NTRK3: variants seen among roughly 807,000 people sequenced by gnomAD.
NTRK3 encodes the protein NT-3 growth factor receptor.
NTRK3 carries 24 observed loss-of-function variants against 91.7 expected under a neutral mutation model. The ratio of observed to expected loss-of-function variants is 0.26; its 90% CI spans 0.19 to 0.37. The LOEUF (loss-of-function observed/expected upper bound fraction) is 0.37. NTRK3 is among the 10% of genes least tolerant of loss of function. The probability of loss-of-function intolerance (pLI) is 1.00; values close to 1 mark genes in which losing one functional copy is unlikely to be tolerated. For missense variants in NTRK3, 880 were observed against 1,068.9 expected, an observed-to-expected ratio of 0.82 and a Z score of 2.46; for synonymous variants, 483 against 404.0, an observed-to-expected ratio of 1.20 and a Z score of -2.34.
In NTRK3 at chr15:88,241,495, C is replaced by T. The variant is rs934906015; in HGVS notation, c.248+14411G>A. On this transcript the variant is annotated intron_variant, in intron 3 of 18. Coordinates refer to ENST00000394480, the Ensembl canonical transcript of NTRK3. The surrounding 1 kb of genome is among the most constrained non-coding windows in gnomAD (Gnocchi z 4.3). ...ATCAGGGAGTCATGAGGTCACTCTC[C>T]TGCCACTTCTGCTTCCCCAGGGCCC... 2.6e-5 allele frequency among the ~76,000 whole-genome samples: 4 copies of T among 152,160 alleles called. No individual in the cohort carries two copies. The highest frequency in any genetic ancestry group is 7.2e-5 in the African/African-American group (3 of 41,442).
intron 14 of NTRK3, among the ~76,000 whole-genome samples, chr15:88,017,704 G>A (rs942329223): frequency 2.0e-5 from 3 of 151,916 alleles, no homozygotes; most frequent in Admixed American, 2.0e-4. Context: ...GGGTCACCCA[G>A]AGATGAACAT....
chr15:88,242,474 T>C (rs188009177), intron 3 of NTRK3, among the ~76,000 whole-genome samples: 200 of 152,342 alleles, frequency 1.3e-3, no homozygotes, highest in Middle Eastern at 0.01. Flanking sequence ...AAACTTTACA[T>C]TAGATCCGTT....
intron 14 of NTRK3, among the ~76,000 whole-genome samples, chr15:88,015,093 A>G (rs561570910): frequency 6.6e-6 from 1 of 152,140 alleles, no homozygotes; most frequent in South Asian, 2.1e-4. Context: ...TTCTTTCTGG[A>G]ACAGGGGTCT....
chr15:88,236,514 T>TAAAAAAA (rs60187446), intron 3 of NTRK3, among the ~76,000 whole-genome samples: 1 of 53,768 alleles, frequency 1.9e-5, no homozygotes, highest in African/African-American at 7.1e-5. Flanking sequence ...CCTCTATTAT[T>TAAAAAAA]AAAAAAAAAA....
At position 88,233,740 on chromosome 15, in the gene NTRK3, C is replaced by A. The variant is rs936774664; in HGVS notation, c.248+22166G>T. Among the ~76,000 whole-genome samples the A allele has an allele frequency of 3.3e-5, 5 of 151,992 alleles. No individual in the cohort carries two copies. Among genetic ancestry groups the A allele is most frequent in the Admixed American group, 6.5e-5 (1 of 15,268 alleles). On this transcript the variant is annotated intron_variant, in intron 3 of 18. Transcript: ENST00000394480. This position sits in a 1 kb window ranked among gnomAD's most constrained non-coding sequence, Gnocchi z 4.2. ...TGGTCCTCCTTACTCTCCCTTCCTT[C>A]CCTGCCCCCTTCCTCCCTACACCTT...
At chr15:88,142,602 C>G (rs1204880338) in intron 6 of NTRK3, among the ~76,000 whole-genome samples, 1 of 152,222 alleles carries the variant, frequency 6.6e-6, no homozygotes, top group Non-Finnish European at 1.5e-5. Context: ...CCCAGATCAG[C>G]CAGGACAGCC....
At chr15:88,099,249 G>A (rs2049936367) in intron 13 of NTRK3, 1 of 228,008 alleles carries the variant, frequency 4.4e-6, no homozygotes, top group Non-Finnish European at 8.7e-6. Context: ...ACCAGGGAAA[G>A]CCGTCAAAAT....
In NTRK3 at chr15:88,235,887, AC is replaced by A. The variant is rs757694231; in HGVS notation, c.248+20018del. ...TGGATGACCTTGAACAAGTGACGCC[AC>A]CCTTCTTCCCCTCAATTTCTTCCTC... On this transcript the variant is annotated intron_variant, in intron 3 of 18. Transcript: ENST00000394480. The surrounding 1 kb of genome is among the most constrained non-coding windows in gnomAD (Gnocchi z 5.2). Among the ~76,000 whole-genome samples the A allele has an allele frequency of 8.5e-5, 13 of 152,278 alleles. No individual in the cohort carries two copies. The highest frequency in any genetic ancestry group is 1.9e-4 in the Non-Finnish European group (13 of 68,024).
At chr15:87,933,584 C>T (rs1007621761) in intron 15 of NTRK3, among the ~76,000 whole-genome samples, 7 of 152,388 alleles carry the variant, frequency 4.6e-5, no homozygotes, top group Middle Eastern at 6.8e-3. Context: ...AGTGTGAAAA[C>T]CACTGCCCCA....
At position 88,235,397 on chromosome 15, in the gene NTRK3, G is replaced by A. The variant is rs566874338; in HGVS notation, c.248+20509C>T. Reference sequence around the variant, plus strand: ...AGACAGTGGACACTCACTGGTCTCGGCCTTCCCGGAACCCACATCTGAGCA... The same window carrying A: ...AGACAGTGGACACTCACTGGTCTCGACCTTCCCGGAACCCACATCTGAGCA... On this transcript the variant is annotated intron_variant, in intron 3 of 18. Coordinates refer to ENST00000394480, the Ensembl canonical transcript of NTRK3. This position sits in a 1 kb window ranked among gnomAD's most constrained non-coding sequence, Gnocchi z 5.2. Among the ~76,000 whole-genome samples the A allele has an allele frequency of 2.6e-5, 4 of 152,310 alleles. No homozygotes were observed. The highest frequency in any genetic ancestry group is 9.6e-5 in the African/African-American group (4 of 41,576).
intron 17 of NTRK3, among the ~76,000 whole-genome samples, chr15:87,882,126 C>T (rs1596070357): frequency 6.6e-6 from 1 of 151,696 alleles, no homozygotes. Context: ...AAACTCCTGA[C>T]CACAAGTTAT....
At chr15:87,917,411 G>T (rs2067521891) in intron 17 of NTRK3, among the ~76,000 whole-genome samples, 1 of 152,156 alleles carries the variant, frequency 6.6e-6, no homozygotes, top group Non-Finnish European at 1.5e-5. Context: ...TCCCTCAAGG[G>T]TGAAATAGAT....
intron 14 of NTRK3, chr15:87,979,410 G>A (rs1173250295): frequency 1.2e-6 from 2 of 1,613,920 alleles, no homozygotes; most frequent in Non-Finnish European, 1.7e-6. Flanking sequence ...CCATGGTTAA[G>A]AGGCTTGGAA....
intron 7 of NTRK3, 73 bp downstream of exon 7, chr15:88,137,331 A>G (rs916016444): frequency 8.3e-6 from 13 of 1,572,680 alleles, no homozygotes; most frequent in Non-Finnish European, 1.1e-5. Context: ...TCCCAAGGTA[A>G]CGTCCAGCAC....
exon 19 of NTRK3, chr15:87,863,786 T>G (rs538713059): frequency 6.6e-4 from 152 of 231,114 alleles, no homozygotes; most frequent in African/African-American, 3.0e-3. Flanking sequence ...TATGACTAAA[T>G]GTTTCTGAAG....
At chr15:87,905,736 A>G (rs1185396972) in intron 17 of NTRK3, among the ~76,000 whole-genome samples, 1 of 152,092 alleles carries the variant, frequency 6.6e-6, no homozygotes, top group Non-Finnish European at 1.5e-5. Flanking sequence ...CACCTCTATT[A>G]TCTATACATA....
At chr15:88,104,438 C>T (rs2050494168) in intron 13 of NTRK3, among the ~76,000 whole-genome samples, 2 of 152,210 alleles carry the variant, frequency 1.3e-5, no homozygotes, top group South Asian at 4.1e-4. Context: ...GCCACTTTTT[C>T]CTTGCTGTGT....
intron 6 of NTRK3, among the ~76,000 whole-genome samples, chr15:88,146,251 A>G (rs1206582149): frequency 2.6e-5 from 4 of 152,156 alleles, no homozygotes; most frequent in Admixed American, 2.0e-4. Flanking sequence ...AAGCATCAAG[A>G]GCTGGGTCTG....
chr15:87,876,094 T>G (rs888898385), exon 19 of NTRK3: 3 of 232,350 alleles, frequency 1.3e-5, no homozygotes, highest in African/African-American at 6.6e-5. Flanking sequence ...TTTTCTTCTG[T>G]GGTTCTTTTA....
Sources: allele counts gnomAD v4.1 joint callset (sites outside exome capture counted in the v4.1 genomes callset), GRCh38; gene constraint gnomAD v4.1.1; non-coding constraint Gnocchi (gnomAD v3.1); transcripts MANE v1.5; gene names NCBI Gene and HGNC (gene_info 2026-07-23, HGNC 2026-07-21).